The following TRPM3 variants were observed in gnomAD, a reference collection of about 807,000 sequenced individuals.
TRPM3 encodes transient receptor potential cation channel subfamily M member 3, also known as long transient receptor potential channel 3.
A neutral mutation model predicts 181.2 loss-of-function variants in TRPM3; 77 were observed. That is an observed-to-expected ratio of 0.42 (90% confidence interval 0.35 to 0.51). The LOEUF is 0.51. Among genes scored for constraint, TRPM3 ranks in the 20% least tolerant of loss-of-function variants. The pLI, the probability that TRPM3 is intolerant of heterozygous loss-of-function variation, is 0.01. For synonymous variants in TRPM3, 745 were observed against 796.4 expected (o/e 0.94, Z 1.09); for missense variants, 1,759 against 2,196.7 (o/e 0.80, Z 3.98).
chr9:71,088,075 T>C (rs1255719344), intron 1 of TRPM3, among the ~76,000 whole-genome samples: 3 of 152,074 alleles, frequency 2.0e-5, no homozygotes, highest in African/African-American at 7.2e-5. Flanking sequence ...ACAAAGAGGA[T>C]GAAAAACTCT....
At chr9:70,908,558 G>A (rs920537971) in intron 1 of TRPM3, among the ~76,000 whole-genome samples, 1 of 152,204 alleles carries the variant, frequency 6.6e-6, no homozygotes, top group Non-Finnish European at 1.5e-5. Context: ...ACAAATGGGG[G>A]CACACAGCAT....
chr9:70,779,004 T>C (rs2081988887), intron 7 of TRPM3, among the ~76,000 whole-genome samples: 1 of 152,182 alleles, frequency 6.6e-6, no homozygotes, highest in Non-Finnish European at 1.5e-5. Flanking sequence ...AGTTACATAA[T>C]TTGAAGCCAT....
intron 1 of TRPM3, among the ~76,000 whole-genome samples, chr9:71,174,113 TA>T (rs1459855619): frequency 6.6e-6 from 1 of 152,078 alleles, no homozygotes; most frequent in Non-Finnish European, 1.5e-5. Flanking sequence ...AAAATTAAAA[TA>T]AAGTTAGAAA....
At chr9:70,959,083 G>A (rs1033710464) in intron 1 of TRPM3, among the ~76,000 whole-genome samples, 6 of 151,404 alleles carry the variant, frequency 4.0e-5, no homozygotes, top group Admixed American at 2.0e-4. Context: ...CAGCACACCA[G>A]CATGGCACAT....
intron 8 of TRPM3, among the ~76,000 whole-genome samples, chr9:70,694,626 A>T (rs375202847): frequency 1.5e-3 from 228 of 151,990 alleles, no homozygotes; most frequent in African/African-American, 5.2e-3. Flanking sequence ...GACTACAGGC[A>T]CCCGCCACCA....
intron 1 of TRPM3, among the ~76,000 whole-genome samples, chr9:71,445,796 C>A (rs2094195668): frequency 6.6e-6 from 1 of 152,130 alleles, no homozygotes; most frequent in Admixed American, 6.5e-5. Context: ...CACACACAAA[C>A]ACACACACAG....
intron 22 of TRPM3, among the ~76,000 whole-genome samples, chr9:70,578,552 C>T (rs1027746136): frequency 6.6e-6 from 1 of 152,222 alleles, no homozygotes; most frequent in African/African-American, 2.4e-5. Context: ...TGTTCAGACA[C>T]CCTAAGTGCC....
chr9:71,434,872 A>T (rs2094009640), intron 1 of TRPM3, among the ~76,000 whole-genome samples: 1 of 152,172 alleles, frequency 6.6e-6, no homozygotes, highest in South Asian at 2.1e-4. Flanking sequence ...AGACACTTTT[A>T]TCAAAAATCA....
intron 1 of TRPM3, among the ~76,000 whole-genome samples, chr9:70,986,538 T>G (rs1299256079): frequency 6.6e-6 from 1 of 152,084 alleles, no homozygotes; most frequent in Non-Finnish European, 1.5e-5. Context: ...AGCAGACAGT[T>G]CCCATGTGAG....
At chr9:70,810,360 C>T (rs1162483422) in intron 6 of TRPM3, among the ~76,000 whole-genome samples, 1 of 148,952 alleles carries the variant, frequency 6.7e-6, no homozygotes, top group Admixed American at 6.7e-5. Context: ...CCTATGGATA[C>T]ACGATCAGGA....
At chr9:70,765,583 C>G (rs989351271) in intron 7 of TRPM3, among the ~76,000 whole-genome samples, 6 of 151,998 alleles carry the variant, frequency 3.9e-5, no homozygotes, top group Admixed American at 2.0e-4. Flanking sequence ...CAAAGCACGA[C>G]TCCATCTCAA....
At chr9:71,369,611 C>T (rs2092447500) in intron 1 of TRPM3, among the ~76,000 whole-genome samples, 1 of 152,162 alleles carries the variant, frequency 6.6e-6, no homozygotes, top group Non-Finnish European at 1.5e-5. Context: ...TCAAGCGATT[C>T]TCCTGGGCAT....
intron 1 of TRPM3, among the ~76,000 whole-genome samples, chr9:71,346,553 GA>G (rs1452690656): frequency 6.6e-6 from 1 of 152,120 alleles, no homozygotes; most frequent in Non-Finnish European, 1.5e-5. Flanking sequence ...TTGTAAACTA[GA>G]AAAACAAAAG....
intron 1 of TRPM3, among the ~76,000 whole-genome samples, chr9:71,269,813 CATG>C: frequency 6.6e-6 from 1 of 152,316 alleles, no homozygotes; most frequent in African/African-American, 2.4e-5. Context: ...GAACCTCTTT[CATG>C]ATGGCAGAAT....
chr9:70,962,099 A>T (rs1024295136), intron 1 of TRPM3, among the ~76,000 whole-genome samples: 1 of 152,314 alleles, frequency 6.6e-6, no homozygotes. Flanking sequence ...AAATCATGAC[A>T]TGCCTTAGTG....
intron 1 of TRPM3, among the ~76,000 whole-genome samples, chr9:70,980,088 C>CACACACAA (rs1366141720): frequency 6.6e-6 from 1 of 151,922 alleles, no homozygotes; most frequent in Non-Finnish European, 1.5e-5. Context: ...CACACACACA[C>CACACACAA]ACACACACGG....
intron 1 of TRPM3, among the ~76,000 whole-genome samples, chr9:71,096,600 T>TCTCTCTCTCTCTCC (rs2067307095): frequency 7.0e-6 from 1 of 142,594 alleles, no homozygotes; most frequent in African/African-American, 2.7e-5. Flanking sequence ...ACTCTCTCTC[T>TCTCTCTCTCTCTCC]CTCTCTCTCT....
rs547785704 is a variant in TRPM3, at chr9:71,034,907, A to G, written c.177+86271T>C. Among the ~76,000 whole-genome samples, 77 of 152,232 alleles carry G rather than the reference A, an allele frequency of 5.1e-4. 1 individual carries two copies. In the South Asian group the frequency reaches 0.015, roughly 30 times the overall value. ...AAATTTTATTTCTGAAAAATTCAAAATAACTTTAAATTTTGTTCTACCTCA... is the reference window on the plus strand; with the variant it reads ...AAATTTTATTTCTGAAAAATTCAAAGTAACTTTAAATTTTGTTCTACCTCA... On this transcript the variant is annotated intron_variant, in intron 1 of 25. Coordinates refer to ENST00000677713, the MANE Select transcript of TRPM3 (RefSeq NM_001366145.2).
At chr9:71,056,021 A>C (rs2060615653) in intron 1 of TRPM3, among the ~76,000 whole-genome samples, 1 of 152,026 alleles carries the variant, frequency 6.6e-6, no homozygotes, top group Non-Finnish European at 1.5e-5. Context: ...CTCCTCTAAG[A>C]CACCCCTATC....
Sources: allele counts gnomAD v4.1 joint callset (sites outside exome capture counted in the v4.1 genomes callset), GRCh38; gene constraint gnomAD v4.1.1; transcripts MANE v1.5; gene names NCBI Gene and HGNC (gene_info 2026-07-23, HGNC 2026-07-21).